OR9Q1: variants seen among roughly 807,000 people sequenced by gnomAD.
OR9Q1 encodes olfactory receptor 9Q1.
For missense variants in OR9Q1, 374 were observed against 378.8 expected (o/e 0.99, Z 0.11); for synonymous variants, 153 against 148.6 (o/e 1.03, Z -0.22).
At chr11:58,069,770 C>G (rs1460853783) in intron 2 of OR9Q1, among the ~76,000 whole-genome samples, 1 of 151,370 alleles carries the variant, frequency 6.6e-6, no homozygotes, top group Non-Finnish European at 1.5e-5. Flanking sequence ...ACGGGGGAAG[C>G]TGAGGTGGGA....
chr11:58,031,198 G>A (rs116716122), intron 1 of OR9Q1: 7 of 1,614,152 alleles, frequency 4.3e-6, no homozygotes, highest in Non-Finnish European at 5.9e-6. Context: ...CAGTGCCCAA[G>A]ATGCTGGCTG....
chr11:58,171,991 G>T (rs1008011620), intron 2 of OR9Q1, among the ~76,000 whole-genome samples: 1 of 152,124 alleles, frequency 6.6e-6, no homozygotes, highest in East Asian at 1.9e-4. Context: ...TAATGACAGC[G>T]ACAGGGAAGG....
intron 2 of OR9Q1, among the ~76,000 whole-genome samples, chr11:58,138,084 T>G (rs1234983680): frequency 1.3e-5 from 2 of 152,288 alleles, no homozygotes; most frequent in East Asian, 1.9e-4. Flanking sequence ...AGGTGCTGTT[T>G]CCAGCCTTCG....
chr11:58,136,557 A>G (rs1470222891), intron 2 of OR9Q1, among the ~76,000 whole-genome samples: 1 of 152,154 alleles, frequency 6.6e-6, no homozygotes, highest in East Asian at 1.9e-4. Flanking sequence ...CTTAATCACT[A>G]GGAAATTGAC....
chr11:58,130,234 G>A (rs1049536249), intron 2 of OR9Q1, among the ~76,000 whole-genome samples: 2 of 151,974 alleles, frequency 1.3e-5, no homozygotes, highest in African/African-American at 4.8e-5. Context: ...AGAAAAACTG[G>A]CAAAATATAA....
Position 58,149,221 on chromosome 11 carries a change from A to G in OR9Q1, c.-14-30210A>G, listed in dbSNP as rs1464163439. ...AGCATTGTAAAAATAGCCTGTTGAC[A>G]TCTGTTGTTTTATATATAGACAGAG... is the stretch of plus-strand genomic sequence containing the variant. On this transcript the variant is annotated intron_variant, in intron 2 of 2. Transcript: ENST00000335397. Among the ~76,000 whole-genome samples the G allele has an allele frequency of 2.6e-5, 4 of 152,146 alleles. No homozygotes were observed. In the East Asian group the frequency reaches 7.7e-4, roughly 29 times the overall value.
intron 2 of OR9Q1, chr11:58,171,361 C>A (rs1354124864): frequency 6.6e-6 from 1 of 152,270 alleles, no homozygotes; most frequent in African/African-American, 2.4e-5. Flanking sequence ...GTGATAGCTT[C>A]CTCCAGCAGC....
At chr11:58,112,142 A>T (rs1018789811) in intron 2 of OR9Q1, among the ~76,000 whole-genome samples, 9 of 151,554 alleles carry the variant, frequency 5.9e-5, no homozygotes, top group Non-Finnish European at 1.3e-4. Flanking sequence ...ACACACAAAA[A>T]ATTAGCCAGG....
At chr11:58,091,246 T>C (rs1853681622) in intron 2 of OR9Q1, among the ~76,000 whole-genome samples, 1 of 152,216 alleles carries the variant, frequency 6.6e-6, no homozygotes, top group African/African-American at 2.4e-5. Flanking sequence ...AGGCTATTGA[T>C]TTTAGATCTT....
At chr11:58,119,427 G>A (rs1301171759) in intron 2 of OR9Q1, 1 of 1,608,230 alleles carries the variant, frequency 6.2e-7, no homozygotes, top group South Asian at 1.1e-5. Flanking sequence ...TTACTCTGGT[G>A]AGATTATTCT....
chr11:58,103,219 T>A (rs1300914717), intron 2 of OR9Q1, among the ~76,000 whole-genome samples: 1 of 152,018 alleles, frequency 6.6e-6, no homozygotes, highest in South Asian at 2.1e-4. Flanking sequence ...CAAGGAGAAG[T>A]GCAGAGTGAA....
At chr11:58,075,935 C>G (rs764580085) in intron 2 of OR9Q1, among the ~76,000 whole-genome samples, 1 of 152,196 alleles carries the variant, frequency 6.6e-6, no homozygotes, top group Non-Finnish European at 1.5e-5. Flanking sequence ...TGCATTAACT[C>G]AGGGATCAAC....
intron 2 of OR9Q1, among the ~76,000 whole-genome samples, chr11:58,103,524 A>G (rs1254104814): frequency 6.6e-6 from 1 of 151,442 alleles, no homozygotes; most frequent in Non-Finnish European, 1.5e-5. Flanking sequence ...ATATATTTAT[A>G]TTTTCTTGTA....
chr11:58,124,907 A>G (rs1382852881), intron 2 of OR9Q1, among the ~76,000 whole-genome samples: 3 of 152,284 alleles, frequency 2.0e-5, no homozygotes, highest in East Asian at 3.9e-4. Context: ...TAATTCATAC[A>G]ATGATCCTAC....
intron 2 of OR9Q1, among the ~76,000 whole-genome samples, chr11:58,096,851 C>T (rs1443775445): frequency 2.0e-5 from 3 of 152,034 alleles, no homozygotes; most frequent in African/African-American, 4.8e-5. Flanking sequence ...TTCCAGTTGC[C>T]CATTACCATG....
At chr11:58,081,712 A>T (rs1853588854) in intron 2 of OR9Q1, among the ~76,000 whole-genome samples, 1 of 150,092 alleles carries the variant, frequency 6.7e-6, no homozygotes, top group Non-Finnish European at 1.5e-5. Context: ...TAGATTCTGG[A>T]TATTAGCCCT....
At chr11:58,054,367 C>A (rs1853306332) in intron 1 of OR9Q1, among the ~76,000 whole-genome samples, 1 of 152,172 alleles carries the variant, frequency 6.6e-6, no homozygotes, top group Non-Finnish European at 1.5e-5. Context: ...GCCTTTCCAA[C>A]CTTTCCTTCT....
At position 58,179,861 on chromosome 11, in the gene OR9Q1, G is replaced by C; in HGVS notation, c.417G>C (p.Gln139His). Reference sequence around the variant, plus strand: ...TTTATGTCACCATCCTGACACAGCAGGCCCGCTTGAGTCTTGTGGCTGGGG... The same window carrying C: ...TTTATGTCACCATCCTGACACAGCACGCCCGCTTGAGTCTTGTGGCTGGGG... Reference protein sequence around the residue: ...PLLYVTILTQQARLSLVAGAY... With the variant: ...PLLYVTILTQHARLSLVAGAY... The change falls in exon 3 of 3, where the codon CAG (glutamine) becomes CAC (histidine). Residue 139 changes from glutamine (Q) to histidine (H), a missense_variant. Gln to His is a conservative substitution (Grantham distance 24). Coordinates refer to ENST00000335397, the MANE Select transcript of OR9Q1 (RefSeq NM_001005212.4). The C allele has an allele frequency of 6.2e-7, 1 of 1,614,166 alleles. No homozygotes were observed. The highest frequency in any genetic ancestry group is 8.5e-7 in the Non-Finnish European group (1 of 1,180,016).
At chr11:58,159,892 G>A (rs1854442001) in intron 2 of OR9Q1, among the ~76,000 whole-genome samples, 1 of 152,166 alleles carries the variant, frequency 6.6e-6, no homozygotes, top group Non-Finnish European at 1.5e-5. Context: ...ATTGATAGAT[G>A]CCTCCGTCAA....
Sources: gnomAD v4.1 joint callset for allele counts (sites outside exome capture counted in the v4.1 genomes callset) on GRCh38, gnomAD v4.1.1 for gene constraint, MANE v1.5 for transcripts, NCBI Gene and HGNC (gene_info 2026-07-23, HGNC 2026-07-21) for gene names.